The following TTN variants were observed in gnomAD, a reference collection of about 807,000 sequenced individuals.
TTN encodes titin, also known as connectin.
A neutral mutation model predicts 3,223.0 loss-of-function variants in TTN; 1,525 were observed. The observed-to-expected ratio is 0.47, with a 90% CI of 0.45 to 0.49. The LOEUF (loss-of-function observed/expected upper bound fraction) is 0.49, where lower values mean the gene tolerates loss of function less well. Among genes scored for constraint, TTN ranks in the 20% least tolerant of loss-of-function variants. The probability of loss-of-function intolerance (pLI) is 0.00; values close to 1 mark genes in which losing one functional copy is unlikely to be tolerated. For missense variants in TTN, 40,786 were observed against 43,424.0 expected (o/e 0.94, Z 5.40); for synonymous variants, 14,094 against 15,161.0 (o/e 0.93, Z 5.17).
chr2:178,529,429 G>T, intron 359 of TTN: 1 of 406,128 alleles, frequency 2.5e-6, no homozygotes, highest in Non-Finnish European at 4.3e-6. Context: ...AAACTAAACT[G>T]AGCCAAAGAT....
At position 178,539,937 on chromosome 2, in the gene TTN, A is replaced by G; in HGVS notation, c.98128T>C (p.Tyr32710His). 1 of 1,613,656 alleles carries G rather than the reference A, an allele frequency of 6.2e-7. No homozygotes were observed. The highest frequency in any genetic ancestry group is 8.5e-7 in the Non-Finnish European group (1 of 1,179,676). The part of the protein sequence containing the change: ...EYPDYELDER[Y>H]QEGIFVRQGG... ...TGCCTTACAAAGATACCTTCTTGGT[A>G]TCTTTCATCAAGTTCATAATCAGGA... Residue 32710 changes from tyrosine (Y) to histidine (H), a missense_variant, in exon 352 of 363, where the codon TAC (tyrosine) becomes CAC (histidine). Transcript: ENST00000589042.
chr2:178,632,091 T>G, intron 236 of TTN, 56 bp downstream of exon 236: 1 of 1,483,588 alleles, frequency 6.7e-7, no homozygotes, highest in Non-Finnish European at 9.0e-7. Flanking sequence ...GAATAGATAC[T>G]CCACAAATTT....
Position 178,617,341 on chromosome 2 carries a change from G to A in TTN, c.47744C>T (p.Pro15915Leu). The A allele has an allele frequency of 6.3e-7, 1 of 1,580,894 alleles. No individual in the cohort carries two copies. The highest frequency in any genetic ancestry group is 8.6e-7 in the Non-Finnish European group (1 of 1,166,742). Residue 15915 changes from proline (P) to leucine (L), a missense_variant, in exon 254 of 363, where the codon CCT becomes CTT. Physicochemically the swap from Pro to Leu is moderately conservative, Grantham distance 98. Coordinates refer to ENST00000589042, the MANE Select transcript of TTN (RefSeq NM_001267550.2). ...NWIRCNMKLV[P>L]ELTYKVTGLE... ...ATGACCTACCTTGTAAGTCAGTTCA[G>A]GGACAAGTTTCATATTGCAACGAAT...
chr2:178,717,480 GT>G, intron 87 of TTN, 42 bp downstream of exon 87: 2 of 1,564,500 alleles, frequency 1.3e-6, no homozygotes, highest in African/African-American at 2.7e-5. Context: ...GCCTGGAGCA[GT>G]GAAGCTGCTT....
In TTN at chr2:178,789,586, A is replaced by G. The variant is rs13421990; in HGVS notation, c.1939-89T>C. On this transcript the variant is annotated intron_variant, in intron 12 of 362. Coordinates refer to ENST00000589042, the MANE Select transcript of TTN (RefSeq NM_001267550.2). ...CTTCCCCCTTCCTCATGGGGATGCA[A>G]GATGGTTATTCAGGGTTAAATACAC... is the stretch of plus-strand genomic sequence containing the variant. The G allele has an allele frequency of 0.036, 55,526 of 1,529,480 alleles. 2,464 individuals carry two copies. The highest frequency in any genetic ancestry group is 0.17 in the Admixed American group (9,644 of 57,716). The allele number at this position is 1,529,480 out of a possible 1,614,324, so 94.7% of individuals were successfully genotyped here. A position where few individuals can be genotyped will look rare whatever the true frequency, so the allele number is the denominator to read the frequency against.
At position 178,598,971 on chromosome 2, in the gene TTN, G is replaced by A. The variant is rs867485572; in HGVS notation, c.56739C>T (p.Gly18913=). The A allele has an allele frequency of 6.2e-7, 1 of 1,612,434 alleles. No individual in the cohort carries two copies. The highest frequency in any genetic ancestry group is 1.1e-5 in the South Asian group (1 of 90,966). The part of the protein sequence containing the change: ...VNWEEPEYDG[G]SPVTGYWLEM... ...CCAGCCAGTACCCTGTCACAGGAGA[G>A]CCTCCATCATATTCTGGCTCTTCCC... The change falls in exon 291 of 363, where the codon GGC becomes GGT. Residue 18913 remains glycine, a synonymous_variant. Coordinates refer to ENST00000589042, the MANE Select transcript of TTN (RefSeq NM_001267550.2).
intron 359 of TTN, among the ~76,000 whole-genome samples, 155 bp downstream of exon 359, chr2:178,529,805 G>T (rs184653603): frequency 2.5e-4 from 38 of 152,294 alleles, no homozygotes; most frequent in African/African-American, 8.9e-4. Flanking sequence ...CTTCAAATGT[G>T]TGTTTCTGCT....
chr2:178,553,314 G>C lies in TTN; in HGVS notation c.89586C>G (p.Pro29862=). 6.2e-7 allele frequency: 1 copy of C among 1,606,580 alleles called. No homozygotes were observed. The highest frequency in any genetic ancestry group is 8.5e-7 in the Non-Finnish European group (1 of 1,179,668). The stretch of plus-strand genomic sequence containing the variant: ...CAGTAGGTGGAGGTCTGCCTTTAAA[G>C]GGAATCAACACTTGTACATCTTCAC... The part of the protein sequence containing the change: ...KAGEDVQVLI[P]FKGRPPPTVT... The change falls in exon 335 of 363, where the codon CCC becomes CCG. Residue 29862 remains proline, a synonymous_variant. Transcript: ENST00000589042.
chr2:178,777,531 T>G lies in TTN; in HGVS notation c.4534A>C (p.Thr1512Pro). 6.2e-7 allele frequency: 1 copy of G among 1,613,956 alleles called. No individual in the cohort carries two copies. Among genetic ancestry groups the G allele is most frequent in the Non-Finnish European group, 8.5e-7 (1 of 1,179,936 alleles). The change falls in exon 26 of 363, where the codon ACT (threonine) becomes CCT (proline). Residue 1512 changes from threonine to proline, a missense_variant. Transcript: ENST00000589042. ...THKVVIKEDGTQSLIIVPATP... is the reference protein window; with the variant it reads ...THKVVIKEDGPQSLIIVPATP... ...GCAGGGACAATAATTAGTGATTGAG[T>G]ACCATCTTCTTTAATGACTACTTTA...
rs1701741272 is a variant in TTN at position 178,556,943 on chromosome 2, G to A, written c.88211C>T (p.Ser29404Phe). Residue 29404 changes from serine to phenylalanine, a missense_variant, in exon 330 of 363, where the codon TCC becomes TTC. Ser to Phe is a radical substitution (Grantham distance 155). Coordinates refer to ENST00000589042, the MANE Select transcript of TTN (RefSeq NM_001267550.2). ...QFIISGLTQNSQYEFRVFARN... is the reference protein window; with the variant it reads ...QFIISGLTQNFQYEFRVFARN... ...AGCAAAGACACGGAATTCATACTGG[G>A]AATTCTGAGTCAAGCCAGAGATGAT... 1 of 1,613,696 alleles carries A rather than the reference G, an allele frequency of 6.2e-7. No individual in the cohort carries two copies. Among genetic ancestry groups the A allele is most frequent in the African/African-American group, 1.3e-5 (1 of 74,908 alleles).
At position 178,634,341 on chromosome 2, in the gene TTN, T is replaced by C. The variant is rs1174273368; in HGVS notation, c.42415+25A>G. ...TATATTTGCATGCCTTTATGGGATG[T>C]CACAGATCTCATTAGCTCGCTTACC... is the stretch of plus-strand genomic sequence containing the variant. On this transcript the variant is annotated intron_variant, in intron 230 of 362. Transcript: ENST00000589042. The surrounding 1 kb of genome is among the most constrained non-coding windows in gnomAD (Gnocchi z 4.6). 6.9e-6 allele frequency: 11 copies of C among 1,587,938 alleles called. No individual in the cohort carries two copies. Among genetic ancestry groups the C allele is most frequent in the Admixed American group, 3.9e-5 (2 of 51,110 alleles).
rs965406205 is a variant in TTN at position 178,561,718 on chromosome 2, G to A, written c.84414C>T (p.Ser28138=). 40 of 1,611,256 alleles carry A rather than the reference G, an allele frequency of 2.5e-5. No individual in the cohort carries two copies. Among genetic ancestry groups the A allele is most frequent in the Non-Finnish European group, 3.1e-5 (37 of 1,178,236 alleles). Residue 28138 remains serine, a synonymous_variant, in exon 326 of 363, where the codon AGC becomes AGT. Transcript: ENST00000589042. ...CAACAGCTGAAGATTCACTGTAGGA[G>A]CTCTTTCCATAGCGGTTTTCTGCAC... ...RVCAENRYGK[S]SYSESSAVVA...
chr2:178,528,851 T>C lies in TTN; in HGVS notation c.106900A>G (p.Thr35634Ala). ...CCATTCAGTACCCATTTCACATCAG[T>C]GGCACCAGCAATGTTGGCTTTTAAA... The part of the protein sequence containing the change: ...LVLKANIAGA[T>A]DVKWVLNGVE... Residue 35634 changes from threonine to alanine, a missense_variant, in exon 360 of 363, where the codon ACT (threonine) becomes GCT (alanine). Coordinates refer to ENST00000589042, the MANE Select transcript of TTN (RefSeq NM_001267550.2). The C allele has an allele frequency of 6.2e-7, 1 of 1,613,992 alleles. No individual in the cohort carries two copies. Among genetic ancestry groups the C allele is most frequent in the Non-Finnish European group, 8.5e-7 (1 of 1,179,866 alleles).
At chr2:178,625,051 A>C (rs1309542525) in intron 241 of TTN, among the ~76,000 whole-genome samples, 1 of 151,978 alleles carries the variant, frequency 6.6e-6, no homozygotes, top group African/African-American at 2.4e-5. Flanking sequence ...CAATAAAAAC[A>C]ATAGAGATGG....
At chr2:178,652,396 G>A in intron 202 of TTN, 49 bp from the exon 203 acceptor site, 1 of 1,613,108 alleles carries the variant, frequency 6.2e-7, no homozygotes, top group Non-Finnish European at 8.5e-7. Context: ...AAGACCACTA[G>A]AAAAATACTT....
At chr2:178,742,331 A>G (rs1013583891) in intron 47 of TTN, among the ~76,000 whole-genome samples, 1 of 152,156 alleles carries the variant, frequency 6.6e-6, no homozygotes, top group African/African-American at 2.4e-5. Flanking sequence ...GAGGTTAAGA[A>G]TAATCTTCTT....
In TTN at chr2:178,775,649, C is replaced by G. The variant is rs964044565; in HGVS notation, c.6215G>C (p.Ser2072Thr). 1 of 1,613,990 alleles carries G rather than the reference C, an allele frequency of 6.2e-7. No homozygotes were observed. The highest frequency in any genetic ancestry group is 1.3e-5 in the African/African-American group (1 of 74,924). Residue 2072 changes from serine (S) to threonine (T), a missense_variant, in exon 28 of 363, where the codon AGT becomes ACT. By Grantham distance (58) the Ser-to-Thr change is moderately conservative. Transcript: ENST00000589042. ...GATTTTTGGAGCCTCCATACTAGGACTTAGTTCAATCTTGTCAGGTTTAAA... is the reference window on the plus strand; with the variant it reads ...GATTTTTGGAGCCTCCATACTAGGAGTTAGTTCAATCTTGTCAGGTTTAAA... ...PTFKPDKIELSPSMEAPKIFE... is the reference protein window; with the variant it reads ...PTFKPDKIELTPSMEAPKIFE...
intron 48 of TTN, 143 bp downstream of exon 48, chr2:178,738,998 T>A: frequency 1.8e-6 from 2 of 1,120,820 alleles, no homozygotes; most frequent in South Asian, 4.7e-5. Context: ...TTCATAACCA[T>A]GATTATGTCT....
chr2:178,746,013 T>C, intron 47 of TTN: 2 of 1,613,332 alleles, frequency 1.2e-6, no homozygotes, highest in Non-Finnish European at 8.5e-7. Context: ...CCCCGACAGA[T>C]AGCCTCTCCT....
Sources: gnomAD v4.1 joint callset for allele counts (sites outside exome capture counted in the v4.1 genomes callset) on GRCh38, gnomAD v4.1.1 for gene constraint, Gnocchi (gnomAD v3.1) non-coding constraint, MANE v1.5 for transcripts, NCBI Gene and HGNC (gene_info 2026-07-23, HGNC 2026-07-21) for gene names.